Variants in CARD10 observed in about 807,000 individuals in gnomAD.
CARD10 encodes the protein caspase recruitment domain family member 10.
CARD10 carries 49 observed loss-of-function variants against 114.6 expected under a neutral mutation model. The observed-to-expected ratio is 0.43, with a 90% CI of 0.34 to 0.54. The LOEUF (loss-of-function observed/expected upper bound fraction) is 0.54, where lower values mean the gene tolerates loss of function less well. CARD10 is among the 20% of genes least tolerant of loss of function. The probability of loss-of-function intolerance (pLI) is 0.03; values close to 1 mark genes in which losing one functional copy is unlikely to be tolerated. For synonymous variants in CARD10, 602 were observed against 593.2 expected (o/e 1.01, Z -0.21); for missense variants, 1,206 against 1,397.2 (o/e 0.86, Z 2.18).
intron 15 of CARD10, chr22:37,494,569 G>C (rs997713494): frequency 1.3e-5 from 3 of 239,350 alleles, no homozygotes; most frequent in South Asian, 7.6e-5. Context: ...ATGTGACCTT[G>C]GTAGAAAAAT....
At chr22:37,504,591 T>C in intron 8 of CARD10, 44 bp downstream of exon 8, 3 of 1,457,512 alleles carry the variant, frequency 2.1e-6, no homozygotes, top group Non-Finnish European at 2.7e-6. Context: ...GTAATAATGC[T>C]ATAGCAGTGT....
chr22:37,516,973 A>G (rs1476414158), intron 2 of CARD10, among the ~76,000 whole-genome samples: 2 of 152,234 alleles, frequency 1.3e-5, no homozygotes, highest in African/African-American at 2.4e-5. Context: ...ACGTTTAAAC[A>G]TGATCCCCAG....
chr22:37,507,614 C>T (rs949185900), intron 6 of CARD10, among the ~76,000 whole-genome samples: 4 of 152,226 alleles, frequency 2.6e-5, no homozygotes, highest in African/African-American at 7.2e-5. Context: ...GCCACAGGAG[C>T]TCAGATGAGG....
At position 37,496,993 on chromosome 22, in the gene CARD10, C is replaced by A; in HGVS notation, c.1947+26G>T. On this transcript the variant is annotated intron_variant, in intron 12 of 19. Coordinates refer to ENST00000251973, the MANE Select transcript of CARD10 (RefSeq NM_014550.4). The surrounding 1 kb of genome is among the most constrained non-coding windows in gnomAD (Gnocchi z 4.1). ...CTGGGCAAAAGCACTGACCCTACCC[C>A]CCCAGCTCAGGAGGCAGGGCCTCAC... 6.3e-7 allele frequency: 1 copy of A among 1,580,930 alleles called. No homozygotes were observed. The highest frequency in any genetic ancestry group is 1.4e-5 in the African/African-American group (1 of 73,924).
At chr22:37,510,650 G>C in intron 3 of CARD10, 1 of 541,270 alleles carries the variant, frequency 1.8e-6, no homozygotes, top group Non-Finnish European at 3.3e-6. Context: ...CACCCTCCCA[G>C]GGGAATCCAC....
Position 37,496,837 on chromosome 22 carries a change from G to A in CARD10, c.1947+182C>T, listed in dbSNP as rs1051417259. 5 of 761,686 alleles carry A rather than the reference G, an allele frequency of 6.6e-6. No individual in the cohort carries two copies. The highest frequency in any genetic ancestry group is 3.5e-5 in the African/African-American group (2 of 57,258). 47.2% of individuals were successfully genotyped at this position (761,686 alleles called of 1,614,324 possible). A position where few individuals can be genotyped will look rare whatever the true frequency, so the allele number is the denominator to read the frequency against. On this transcript the variant is annotated intron_variant, in intron 12 of 19. Coordinates refer to ENST00000251973, the MANE Select transcript of CARD10 (RefSeq NM_014550.4). This position sits in a 1 kb window ranked among gnomAD's most constrained non-coding sequence, Gnocchi z 4.1. ...CAGTTGGCTCCACCTCCCAGTCCCT[G>A]CCCAATCAGACTTCAATTAAGCCTG...
Position 37,494,057 on chromosome 22 carries a change from G to C in CARD10, c.2476+29C>G, listed in dbSNP as rs571929988. Reference sequence around the variant, plus strand: ...CATCCCTGGACAATGGGAGCAACACGGGATACAGCTTTGCCCCCGCGCACT... The same window carrying C: ...CATCCCTGGACAATGGGAGCAACACCGGATACAGCTTTGCCCCCGCGCACT... On this transcript the variant is annotated intron_variant, in intron 16 of 19. Coordinates refer to ENST00000251973, the MANE Select transcript of CARD10 (RefSeq NM_014550.4). 1.0e-4 allele frequency: 146 copies of C among 1,462,044 alleles called. 1 individual carries two copies. Among genetic ancestry groups the C allele is most frequent in the South Asian group, 1.0e-3 (82 of 82,320 alleles). 90.6% of individuals were successfully genotyped at this position (1,462,044 alleles called of 1,614,324 possible).
At position 37,492,626 on chromosome 22, in the gene CARD10, C is replaced by T; in HGVS notation, c.2635+18G>A. The T allele has an allele frequency of 6.2e-7, 1 of 1,611,604 alleles. No individual in the cohort carries two copies. The highest frequency in any genetic ancestry group is 8.5e-7 in the Non-Finnish European group (1 of 1,179,096). ...CCAGAGGGGCACCCAGCCTCCCCTC[C>T]CCGGCACATAGTCTCACCCGCTGGG... On this transcript the variant is annotated intron_variant, in intron 17 of 19. Transcript: ENST00000251973. The surrounding 1 kb of genome is among the most constrained non-coding windows in gnomAD (Gnocchi z 5.7).
chr22:37,495,313 G>T (rs112184301), intron 15 of CARD10, among the ~76,000 whole-genome samples: 1 of 152,162 alleles, frequency 6.6e-6, no homozygotes, highest in South Asian at 2.1e-4. Flanking sequence ...TACTAGGCAC[G>T]CTTTACCTCA....
chr22:37,493,533 C>G (rs545769733), intron 16 of CARD10, among the ~76,000 whole-genome samples: 1 of 152,286 alleles, frequency 6.6e-6, no homozygotes, highest in Non-Finnish European at 1.5e-5. Context: ...TCCCCAACAC[C>G]CTCCAAGCAC....
At chr22:37,513,852 A>T (rs1274750716) in intron 3 of CARD10, among the ~76,000 whole-genome samples, 1 of 152,052 alleles carries the variant, frequency 6.6e-6, no homozygotes, top group East Asian at 1.9e-4. Context: ...GTAATCCAGC[A>T]CTTTGGGAGG....
Position 37,491,863 on chromosome 22 carries a change from T to C in CARD10, c.2756A>G (p.His919Arg). 1 of 1,603,526 alleles carries C rather than the reference T, an allele frequency of 6.2e-7. No homozygotes were observed. The highest frequency in any genetic ancestry group is 1.1e-5 in the South Asian group (1 of 90,982). The part of the protein sequence containing the change: ...RAIQESVGKK[H>R]CLLELGARGV... ...CCGAGCACCCAGCTCCAGCAGGCAGTGCTTCTGCTTGGAGGATCGAGGCTA... is the reference window on the plus strand; with the variant it reads ...CCGAGCACCCAGCTCCAGCAGGCAGCGCTTCTGCTTGGAGGATCGAGGCTA... Residue 919 changes from histidine to arginine, a missense_variant, in exon 19 of 20, where the codon CAC (histidine) becomes CGC (arginine). Transcript: ENST00000251973.
At position 37,519,214 on chromosome 22, in the gene CARD10, G is replaced by T. The variant is rs888819059; in HGVS notation, c.-14C>A. 6.7e-7 allele frequency: 1 copy of T among 1,503,206 alleles called. No individual in the cohort carries two copies. The highest frequency in any genetic ancestry group is 2.5e-5 in the East Asian group (1 of 39,610). The allele number at this position is 1,503,206 out of a possible 1,614,324, so 93.1% of individuals were successfully genotyped here. ...CCGGCCCGGCATGGCCGTGTCCTCAGGGTCTGCGGGCAAGAGGCGCACGGG... is the reference window on the plus strand; with the variant it reads ...CCGGCCCGGCATGGCCGTGTCCTCATGGTCTGCGGGCAAGAGGCGCACGGG... On this transcript the variant is annotated 5_prime_UTR_variant, in exon 1 of 20. It adds an upstream start codon to the 5' untranslated region. Coordinates refer to ENST00000251973, the MANE Select transcript of CARD10 (RefSeq NM_014550.4). The surrounding 1 kb of genome is among the most constrained non-coding windows in gnomAD (Gnocchi z 4.1).
In CARD10 at chr22:37,516,121, C is replaced by T. The variant is rs747136933; in HGVS notation, c.551G>A (p.Arg184His). 36 of 1,595,610 alleles carry T rather than the reference C, an allele frequency of 2.3e-5. No homozygotes were observed. Among genetic ancestry groups the T allele is most frequent in the South Asian group, 3.4e-5 (3 of 88,700 alleles). The stretch of plus-strand genomic sequence containing the variant: ...CCAGTCCTCCCGCAGCCGTTGACAG[C>T]GCTCCTGAGCCTGCTGCTGGTCCCG... ...RLRDQQQAQERCQRLREDWEA... is the reference protein window; with the variant it reads ...RLRDQQQAQEHCQRLREDWEA... The change falls in exon 3 of 20, where the codon CGC becomes CAC. Residue 184 changes from arginine (R) to histidine (H), a missense_variant. This residue lies in a region of CARD10 where 1,068 missense variants were observed against 1,179.1 expected (regional missense o/e 0.91). Transcript: ENST00000251973.
Position 37,512,465 on chromosome 22 carries a change from CCACACACACACACA to C in CARD10, c.700-2058_700-2045del, listed in dbSNP as rs36080549. ...AGAGGTTAGAATGGCAGCCCCCCCTCCACACACACACACACACACACACACACACACACACACAC... is the reference window on the plus strand; with the variant it reads ...AGAGGTTAGAATGGCAGCCCCCCCTCCACACACACACACACACACACACAC... On this transcript the variant is annotated intron_variant, in intron 3 of 19. Transcript: ENST00000251973. Among the ~76,000 whole-genome samples, 55 of 113,856 alleles carry C rather than the reference CCACACACACACACA, an allele frequency of 4.8e-4. 2 individuals carry two copies. In the South Asian group the frequency reaches 8.9e-3, roughly 19 times the overall value. The allele number at this position is 113,856 out of a possible 152,430, so 74.7% of individuals were successfully genotyped here.
In CARD10 at chr22:37,497,035, C is replaced by T. The variant is rs762799154; in HGVS notation, c.1931G>A (p.Arg644Lys). 5 of 1,613,326 alleles carry T rather than the reference C, an allele frequency of 3.1e-6. No individual in the cohort carries two copies. The highest frequency in any genetic ancestry group is 1.3e-5 in the African/African-American group (1 of 74,922). The change falls in exon 12 of 20, where the codon AGG (arginine) becomes AAG (lysine). Residue 644 changes from arginine to lysine, a missense_variant. By Grantham distance (26) the Arg-to-Lys change is conservative. Transcript: ENST00000251973. ...GGGCCTCACCTCTCTTGGTTCCATCCTGGCGGACCCAGGCCCAGACAGCAC... is the reference window on the plus strand; with the variant it reads ...GGGCCTCACCTCTCTTGGTTCCATCTTGGCGGACCCAGGCCCAGACAGCAC... ...RRVLSGPGSA[R>K]MEPREQRVEA...
chr22:37,491,140 T>C lies in CARD10; in HGVS notation c.*19A>G. The C allele has an allele frequency of 6.5e-7, 1 of 1,531,166 alleles. No homozygotes were observed. The highest frequency in any genetic ancestry group is 8.8e-7 in the Non-Finnish European group (1 of 1,131,918). The allele number at this position is 1,531,166 out of a possible 1,614,324, so 94.8% of individuals were successfully genotyped here. On this transcript the variant is annotated 3_prime_UTR_variant, in exon 20 of 20. Transcript: ENST00000251973. Reference sequence around the variant, plus strand: ...GGTCCACGCTGGCTTGGGGAGAAGGTGCAGGTATCAGATGAGCCTCAGGCC... The same window carrying C: ...GGTCCACGCTGGCTTGGGGAGAAGGCGCAGGTATCAGATGAGCCTCAGGCC...
chr22:37,492,661 A>C lies in CARD10; in HGVS notation c.2618T>G (p.Phe873Cys). ...AGTCTCACCCGCTGGGCACACTTGG[A>C]AGTCCAGCCGGGAGCTGGGCAGGTC... is the stretch of plus-strand genomic sequence containing the variant. ...LLDLPSSRLD[F>C]QVCPAESLSG... Residue 873 changes from phenylalanine to cysteine, a missense_variant, in exon 17 of 20, where the codon TTC becomes TGC. Phe to Cys is a radical substitution (Grantham distance 205, BLOSUM62 -2). Coordinates refer to ENST00000251973, the MANE Select transcript of CARD10 (RefSeq NM_014550.4). The surrounding 1 kb of genome is among the most constrained non-coding windows in gnomAD (Gnocchi z 5.7). The C allele has an allele frequency of 6.2e-7, 1 of 1,612,922 alleles. No homozygotes were observed. Among genetic ancestry groups the C allele is most frequent in the East Asian group, 2.2e-5 (1 of 44,862 alleles).
intron 3 of CARD10, among the ~76,000 whole-genome samples, chr22:37,512,428 T>G (rs6000756): frequency 1.4e-5 from 2 of 144,244 alleles, no homozygotes; most frequent in Non-Finnish European, 3.0e-5. Context: ...ACTTGCTAGT[T>G]CCCCAGCCTT....
Sources: gnomAD v4.1 joint callset for allele counts (sites outside exome capture counted in the v4.1 genomes callset) on GRCh38, gnomAD v4.1.1 for gene constraint, gnomAD v4.1.1 regional missense constraint, Gnocchi (gnomAD v3.1) non-coding constraint, MANE v1.5 for transcripts, NCBI Gene and HGNC (gene_info 2026-07-23, HGNC 2026-07-21) for gene names.